Variants in ROBO1 observed in about 807,000 individuals in gnomAD.
ROBO1 encodes the protein roundabout guidance receptor 1.
A neutral mutation model predicts 195.9 loss-of-function variants in ROBO1; 149 were observed. The observed-to-expected ratio is 0.76, with a 90% confidence interval of 0.67 to 0.87. The LOEUF is 0.87. ROBO1 is among the 40% of genes least tolerant of loss of function. The pLI, the probability that ROBO1 is intolerant of heterozygous loss-of-function variation, is 0.00. For missense variants in ROBO1, 1,933 were observed against 2,068.3 expected (o/e 0.93, Z 1.27); for synonymous variants, 816 against 733.2 (o/e 1.11, Z -1.82).
At chr3:78,968,735 A>T (rs2076701718) in intron 3 of ROBO1, among the ~76,000 whole-genome samples, 1 of 152,184 alleles carries the variant, frequency 6.6e-6, no homozygotes, top group African/African-American at 2.4e-5. Context: ...ATAAGAAAGT[A>T]TAAGTTTTTG....
At chr3:79,481,864 T>C (rs1047406146) in intron 2 of ROBO1, among the ~76,000 whole-genome samples, 8 of 152,146 alleles carry the variant, frequency 5.3e-5, no homozygotes, top group African/African-American at 1.9e-4. Flanking sequence ...TATGGACACT[T>C]TGCTAAATAA....
At chr3:78,642,045 A>G (rs1705996730) in intron 21 of ROBO1, among the ~76,000 whole-genome samples, 1 of 151,972 alleles carries the variant, frequency 6.6e-6, no homozygotes, top group Admixed American at 6.6e-5. Context: ...CTACTCTAAT[A>G]AGGGTTCTAA....
intron 2 of ROBO1, among the ~76,000 whole-genome samples, chr3:79,363,582 G>A (rs2035852973): frequency 6.6e-6 from 1 of 152,054 alleles, no homozygotes; most frequent in South Asian, 2.1e-4. Context: ...ATTAAAACAC[G>A]ACTACTAACT....
At chr3:79,517,746 A>T (rs1226560972) in intron 2 of ROBO1, among the ~76,000 whole-genome samples, 1 of 152,188 alleles carries the variant, frequency 6.6e-6, no homozygotes, top group Non-Finnish European at 1.5e-5. Context: ...GGTGACACTT[A>T]TTGAATACTT....
intron 1 of ROBO1, among the ~76,000 whole-genome samples, chr3:79,602,078 T>C (rs1944355874): frequency 6.6e-6 from 1 of 151,964 alleles, no homozygotes; most frequent in African/African-American, 2.4e-5. Context: ...CAAATACCTC[T>C]ACAAACATTA....
At chr3:78,939,845 T>C (rs1191376042) in intron 3 of ROBO1, among the ~76,000 whole-genome samples, 1 of 151,844 alleles carries the variant, frequency 6.6e-6, no homozygotes, top group Non-Finnish European at 1.5e-5. Flanking sequence ...TAATTAAATA[T>C]ACTATTAAAT....
intron 2 of ROBO1, among the ~76,000 whole-genome samples, chr3:79,340,952 C>T (rs546716436): frequency 1.3e-5 from 2 of 152,326 alleles, no homozygotes; most frequent in South Asian, 4.1e-4. Context: ...GAAACTCATA[C>T]ATAGGGTAGC....
chr3:78,821,953 AT>A (rs2031024980), intron 4 of ROBO1, among the ~76,000 whole-genome samples: 1 of 152,068 alleles, frequency 6.6e-6, no homozygotes, highest in Non-Finnish European at 1.5e-5. Flanking sequence ...GAGCAGATAG[AT>A]TATCATTGTA....
At chr3:79,058,653 T>C (rs1369191638) in intron 3 of ROBO1, among the ~76,000 whole-genome samples, 2 of 152,044 alleles carry the variant, frequency 1.3e-5, no homozygotes, top group Non-Finnish European at 2.9e-5. Flanking sequence ...AAAATTTGGA[T>C]GAACAATCAA....
chr3:79,049,727 G>T (rs764327501), intron 3 of ROBO1, among the ~76,000 whole-genome samples: 1 of 152,140 alleles, frequency 6.6e-6, no homozygotes, highest in Non-Finnish European at 1.5e-5. Flanking sequence ...AGCCAGAAGA[G>T]AGTGGTGGCC....
chr3:78,827,625 C>G (rs1194779730), intron 4 of ROBO1, among the ~76,000 whole-genome samples: 1 of 152,092 alleles, frequency 6.6e-6, no homozygotes, highest in East Asian at 1.9e-4. Flanking sequence ...TAGAGAGATT[C>G]ATTTTAAACA....
At chr3:79,597,703 T>A (rs1272909881) in intron 1 of ROBO1, among the ~76,000 whole-genome samples, 1 of 152,040 alleles carries the variant, frequency 6.6e-6, no homozygotes, top group African/African-American at 2.4e-5. Context: ...ATACTTGGAT[T>A]TGCTTTACAA....
chr3:79,020,436 A>C (rs934201478), intron 3 of ROBO1, among the ~76,000 whole-genome samples: 2 of 152,220 alleles, frequency 1.3e-5, no homozygotes, highest in African/African-American at 4.8e-5. Flanking sequence ...TCACACCTGT[A>C]ATCTCAGCAC....
chr3:79,293,199 T>C (rs557872659), intron 2 of ROBO1, among the ~76,000 whole-genome samples: 1 of 152,316 alleles, frequency 6.6e-6, no homozygotes, highest in Admixed American at 6.5e-5. Context: ...GGTAAGTAGT[T>C]TGTATTTCTG....
intron 3 of ROBO1, among the ~76,000 whole-genome samples, chr3:79,034,422 T>C (rs573685419): frequency 6.6e-6 from 1 of 152,160 alleles, no homozygotes; most frequent in Non-Finnish European, 1.5e-5. Context: ...TTATGACCCT[T>C]TGTAGTCTCT....
chr3:79,303,732 A>G (rs1006396022), intron 2 of ROBO1, among the ~76,000 whole-genome samples: 1 of 152,180 alleles, frequency 6.6e-6, no homozygotes, highest in Admixed American at 6.5e-5. Context: ...GAATGTTAGC[A>G]TTCAGAATTA....
intron 2 of ROBO1, among the ~76,000 whole-genome samples, chr3:79,379,151 A>G (rs2036485975): frequency 6.6e-6 from 1 of 152,202 alleles, no homozygotes; most frequent in Admixed American, 6.5e-5. Context: ...TTTACAGATA[A>G]GGAAAGTGTG....
chr3:79,707,727 C>A (rs575319293), intron 1 of ROBO1, among the ~76,000 whole-genome samples: 46 of 152,220 alleles, frequency 3.0e-4, no homozygotes, highest in African/African-American at 1.0e-3. Flanking sequence ...CCAGGATGGT[C>A]TCGATCTCCT....
chr3:79,390,062 T>G (rs867827855), intron 2 of ROBO1, among the ~76,000 whole-genome samples: 2 of 152,266 alleles, frequency 1.3e-5, no homozygotes, highest in South Asian at 4.1e-4. Context: ...TAATATCTAC[T>G]GATAGATTTG....
Sources: allele counts gnomAD v4.1 joint callset (sites outside exome capture counted in the v4.1 genomes callset), GRCh38; gene constraint gnomAD v4.1.1; transcripts MANE v1.5; gene names NCBI Gene and HGNC (gene_info 2026-07-23, HGNC 2026-07-21).